The following PYGM variants were observed in gnomAD, a reference collection of about 807,000 sequenced individuals.
PYGM encodes glycogen phosphorylase, muscle form.
Under a neutral mutation model 99.3 loss-of-function variants are expected in PYGM, and 81 were observed. That is an observed-to-expected ratio of 0.82 (90% confidence interval 0.68 to 0.98). The LOEUF (loss-of-function observed/expected upper bound fraction) is 0.98, where lower values mean the gene tolerates loss of function less well. PYGM is among the 50% of genes least tolerant of loss of function. The probability of loss-of-function intolerance (pLI) is 0.00; values close to 1 mark genes in which losing one functional copy is unlikely to be tolerated. For synonymous variants in PYGM, 436 were observed against 451.5 expected, an observed-to-expected ratio of 0.97 and a Z score of 0.44; for missense variants, 1,030 against 1,158.1, an observed-to-expected ratio of 0.89 and a Z score of 1.61.
Position 64,754,734 on chromosome 11 carries a change from G to T in PYGM, c.958C>A (p.Arg320Ser). ...RRFKSSKFGCRDPVRTNFDAF... is the reference protein window; with the variant it reads ...RRFKSSKFGCSDPVRTNFDAF... ...TCGAAGTTCGTGCGCACGGGATCAC[G>T]GCAGCCGAACTTGGAAGACTTGAAG... The change falls in exon 8 of 20, where the codon CGT (arginine) becomes AGT (serine). Residue 320 changes from arginine to serine, a missense_variant. By Grantham distance (110) the Arg-to-Ser change is moderately radical. Coordinates refer to ENST00000164139, the MANE Select transcript of PYGM (RefSeq NM_005609.4). This position sits in a 1 kb window ranked among gnomAD's most constrained non-coding sequence, Gnocchi z 5.5. The T allele has an allele frequency of 6.2e-7, 1 of 1,613,762 alleles. No homozygotes were observed. Among genetic ancestry groups the T allele is most frequent in the Non-Finnish European group, 8.5e-7 (1 of 1,179,984 alleles).
rs2058372225 is a variant in PYGM, at chr11:64,753,605, G to A, written c.1317C>T (p.Arg439=). The A allele has an allele frequency of 5.0e-6, 8 of 1,608,574 alleles. No homozygotes were observed. In the East Asian group the frequency reaches 8.9e-5, roughly 18 times the overall value. Residue 439 remains arginine (R), a synonymous_variant, in exon 11 of 20, where the codon CGC becomes CGT. Coordinates refer to ENST00000164139, the MANE Select transcript of PYGM (RefSeq NM_005609.4). ...MSLVEEGAVK[R]INMAHLCIAG... The stretch of plus-strand genomic sequence containing the variant: ...CGATGCACAGGTGTGCCATGTTGAT[G>A]CGCTTCACTGCGCCCTCCTCCACCA...
At chr11:64,757,400 T>A (rs1022233890) in intron 5 of PYGM, among the ~76,000 whole-genome samples, 2 of 152,146 alleles carry the variant, frequency 1.3e-5, no homozygotes, top group Admixed American at 1.3e-4. Context: ...GTGTGATGAG[T>A]GAATTCCTTT....
At position 64,752,078 on chromosome 11, in the gene PYGM, G is replaced by A. The variant is rs760633294; in HGVS notation, c.1621-7C>T. The A allele has an allele frequency of 2.5e-6, 4 of 1,614,036 alleles. No individual in the cohort carries two copies. Among genetic ancestry groups the A allele is most frequent in the South Asian group, 1.1e-5 (1 of 91,080 alleles). ...CAAACTTCAACTTGTTTTCCTGGAG[G>A]CAGAGACGGGGAAGGGCTCACCAAC... On this transcript the variant is annotated splice_region_variant and splice_polypyrimidine_tract_variant and intron_variant, in intron 13 of 19. Transcript: ENST00000164139.
chr11:64,750,873 G>A lies in PYGM; in HGVS notation c.1970-290C>T, dbSNP rs75024721. ...TTCCACCATTAGAGGGCATCCTCAT[G>A]GGGTTTTTGCTTTGTTTTGTTTCCT... On this transcript the variant is annotated intron_variant, in intron 16 of 19. Coordinates refer to ENST00000164139, the MANE Select transcript of PYGM (RefSeq NM_005609.4). Among the ~76,000 whole-genome samples the A allele has an allele frequency of 5.1e-3, 770 of 152,272 alleles. 3 individuals carry two copies. The highest frequency in any genetic ancestry group is 0.018 in the African/African-American group (739 of 41,560).
Position 64,755,532 on chromosome 11 carries a change from C to G in PYGM, c.687G>C (p.Thr229=), listed in dbSNP as rs764624576. Residue 229 remains threonine (T), a synonymous_variant, in exon 6 of 20, where the codon ACG becomes ACC. Coordinates refer to ENST00000164139, the MANE Select transcript of PYGM (RefSeq NM_005609.4). This position sits in a 1 kb window ranked among gnomAD's most constrained non-coding sequence, Gnocchi z 4.1. ...TQVVLAMPYD[T]PVPGYRNNVV... ...CATTGTTGCGATAGCCAGGCACGGG[C>G]GTATCGTAGGGCATGGCCAGTACCA... 3 of 1,614,074 alleles carry G rather than the reference C, an allele frequency of 1.9e-6. No individual in the cohort carries two copies. Among genetic ancestry groups the G allele is most frequent in the Non-Finnish European group, 2.5e-6 (3 of 1,179,986 alleles).
chr11:64,758,058 G>C, intron 4 of PYGM, 148 bp from the exon 5 acceptor site: 1 of 1,402,720 alleles, frequency 7.1e-7, no homozygotes, highest in Non-Finnish European at 9.8e-7. Context: ...GGTCTGCTGG[G>C]CTATCGAGTG....
chr11:64,754,848 A>G lies in PYGM; in HGVS notation c.856-12T>C, dbSNP rs2135835596. 2 of 1,613,446 alleles carry G rather than the reference A, an allele frequency of 1.2e-6. No individual in the cohort carries two copies. Among genetic ancestry groups the G allele is most frequent in the Non-Finnish European group, 1.7e-6 (2 of 1,179,950 alleles). On this transcript the variant is annotated splice_polypyrimidine_tract_variant and intron_variant, in intron 7 of 19. Coordinates refer to ENST00000164139, the MANE Select transcript of PYGM (RefSeq NM_005609.4). The surrounding 1 kb of genome is among the most constrained non-coding windows in gnomAD (Gnocchi z 5.5). ...TTCCCTTCGAAGAACTGGGGACAGC[A>G]TGAGGCAGCGTGAGTCAGGGCGGTG...
At chr11:64,758,215 G>A (rs1472271031) in intron 4 of PYGM, 31 bp downstream of exon 4, 3 of 1,574,080 alleles carry the variant, frequency 1.9e-6, no homozygotes, top group Non-Finnish European at 2.6e-6. Flanking sequence ...ATCCTGACTA[G>A]ACCCCACAAG....
At position 64,751,482 on chromosome 11, in the gene PYGM, C is replaced by G. The variant is rs774813037; in HGVS notation, c.1828-16G>C. On this transcript the variant is annotated splice_polypyrimidine_tract_variant and intron_variant, in intron 15 of 19. Coordinates refer to ENST00000164139, the MANE Select transcript of PYGM (RefSeq NM_005609.4). ...CAGGTGCAGCCTGAGGGGACAAAGT[C>G]TGGGGTCAGCTCTACTGCCTGGCCC... is the stretch of plus-strand genomic sequence containing the variant. The G allele has an allele frequency of 1.9e-6, 3 of 1,614,164 alleles. No homozygotes were observed. The highest frequency in any genetic ancestry group is 1.7e-5 in the Admixed American group (1 of 60,024).
intron 18 of PYGM, 94 bp downstream of exon 18, chr11:64,747,130 C>G (rs1193258830): frequency 2.6e-5 from 41 of 1,580,294 alleles, no homozygotes; most frequent in Non-Finnish European, 3.6e-5. Context: ...CTGGCTCCAA[C>G]TACCAGGACC....
intron 17 of PYGM, 76 bp downstream of exon 17, chr11:64,750,300 G>T: frequency 1.3e-6 from 2 of 1,533,048 alleles, no homozygotes; most frequent in Non-Finnish European, 1.8e-6. Context: ...CTTTCCAGAC[G>T]TGCCGCTTGC....
chr11:64,754,965 A>G lies in PYGM; in HGVS notation c.856-129T>C. 7.6e-7 allele frequency: 1 copy of G among 1,311,152 alleles called. No individual in the cohort carries two copies. The highest frequency in any genetic ancestry group is 1.0e-6 in the Non-Finnish European group (1 of 959,790). 81.2% of individuals were successfully genotyped at this position (1,311,152 alleles called of 1,614,324 possible). On this transcript the variant is annotated intron_variant, in intron 7 of 19. Transcript: ENST00000164139. The surrounding 1 kb of genome is among the most constrained non-coding windows in gnomAD (Gnocchi z 5.5). Reference sequence around the variant, plus strand: ...GCCCTGAGCCGGCCCCCTCTCTGGGACCCAGGGGCCTTTCCTCCACCAAGA... The same window carrying G: ...GCCCTGAGCCGGCCCCCTCTCTGGGGCCCAGGGGCCTTTCCTCCACCAAGA...
Position 64,753,180 on chromosome 11 carries a change from C to T in PYGM, c.1411G>A (p.Asp471Asn). The T allele has an allele frequency of 6.2e-7, 1 of 1,608,502 alleles. No individual in the cohort carries two copies. The highest frequency in any genetic ancestry group is 1.1e-5 in the South Asian group (1 of 90,970). The change falls in exon 12 of 20, where the codon GAC becomes AAC. Residue 471 changes from aspartate (D) to asparagine (N), a missense_variant. Physicochemically the swap from Asp to Asn is conservative, Grantham distance 23. Transcript: ENST00000164139. ...SEILKKTIFK[D>N]FYELEPHKFQ... Reference sequence around the variant, plus strand: ...TTATGAGGCTCCAGCTCATAGAAGTCTTTGAAGCTGCAGGATGAGGTTGGA... The same window carrying T: ...TTATGAGGCTCCAGCTCATAGAAGTTTTTGAAGCTGCAGGATGAGGTTGGA...
chr11:64,753,143 T>TTA lies in PYGM; in HGVS notation c.1446_1447dup (p.Lys483IlefsTer57). ...GCGCCGAGGGGTGATGCCGTTGGTCTTATTCTGGAACTTATGAGGCTCCAG... is the reference window on the plus strand; with the variant it reads ...GCGCCGAGGGGTGATGCCGTTGGTCTTATATTCTGGAACTTATGAGGCTCCAG... On this transcript the variant is annotated frameshift_variant, in exon 12 of 20. Transcript: ENST00000164139. LOFTEE classifies it high-confidence loss of function. 3.7e-6 allele frequency: 6 copies of TTA among 1,614,056 alleles called. No homozygotes were observed. Among genetic ancestry groups the TTA allele is most frequent in the Non-Finnish European group, 4.2e-6 (5 of 1,179,932 alleles).
rs558267822 is a variant in PYGM at position 64,754,815 on chromosome 11, G to A, written c.877C>T (p.Arg293Trp). Residue 293 changes from arginine to tryptophan, a missense_variant, in exon 8 of 20, where the codon CGG becomes TGG. Arg to Trp is a moderately radical substitution (Grantham distance 101). Transcript: ENST00000164139. The surrounding 1 kb of genome is among the most constrained non-coding windows in gnomAD (Gnocchi z 5.5). ...NDNFFEGKELRLKQEYFVVAA... is the reference protein window; with the variant it reads ...NDNFFEGKELWLKQEYFVVAA... ...ACCACGAAATACTCCTGCTTCAGCC[G>A]CAGCTCCTTCCCTTCGAAGAACTGG... is the stretch of plus-strand genomic sequence containing the variant. The A allele has an allele frequency of 1.7e-4, 272 of 1,613,870 alleles. 2 individuals are homozygous for A. The South Asian group carries it at 2.3e-3, about 14-fold the overall frequency.
rs987077130 is a variant in PYGM, at chr11:64,755,250, C to T, written c.855+23G>A. On this transcript the variant is annotated intron_variant, in intron 7 of 19. Transcript: ENST00000164139. This position sits in a 1 kb window ranked among gnomAD's most constrained non-coding sequence, Gnocchi z 4.1. ...GCTGCCAAGGACTCAGGCTTCCAGC[C>T]CCCAGCCCAGGGGGTGACGCACATT... 1 of 1,611,026 alleles carries T rather than the reference C, an allele frequency of 6.2e-7. No individual in the cohort carries two copies. The highest frequency in any genetic ancestry group is 8.5e-7 in the Non-Finnish European group (1 of 1,177,434).
intron 17 of PYGM, chr11:64,747,617 C>A: frequency 1.9e-6 from 1 of 514,044 alleles, no homozygotes; most frequent in South Asian, 2.0e-5. Context: ...CCCAAACAAG[C>A]TCTTTTCTCC....
At chr11:64,746,833 T>C (rs2058313973) in intron 19 of PYGM, 25 bp from the exon 20 acceptor site, 1 of 1,614,140 alleles carries the variant, frequency 6.2e-7, no homozygotes, top group Non-Finnish European at 8.5e-7. Flanking sequence ...GAAGCTCTGG[T>C]TCACTCTGCT....
chr11:64,755,229 C>T lies in PYGM; in HGVS notation c.855+44G>A, dbSNP rs893181121. On this transcript the variant is annotated intron_variant, in intron 7 of 19. Coordinates refer to ENST00000164139, the MANE Select transcript of PYGM (RefSeq NM_005609.4). This position sits in a 1 kb window ranked among gnomAD's most constrained non-coding sequence, Gnocchi z 4.1. ...CCCCAGCTCTCCCTGACCCCTGCTG[C>T]CAAGGACTCAGGCTTCCAGCCCCCA... 6.3e-7 allele frequency: 1 copy of T among 1,585,426 alleles called. No individual in the cohort carries two copies.
Sources: gnomAD v4.1 joint callset for allele counts (sites outside exome capture counted in the v4.1 genomes callset) on GRCh38, gnomAD v4.1.1 for gene constraint, Gnocchi (gnomAD v3.1) non-coding constraint, MANE v1.5 for transcripts, NCBI Gene and HGNC (gene_info 2026-07-23, HGNC 2026-07-21) for gene names.